Variants in GMDS observed in about 807,000 individuals in gnomAD.
GMDS encodes the protein GDP-mannose 4,6 dehydratase.
A neutral mutation model predicts 49.9 loss-of-function variants in GMDS; 20 were observed. That is an observed-to-expected ratio of 0.40 (90% CI 0.28 to 0.58). GMDS has a LOEUF of 0.58. Ranked by LOEUF, GMDS falls within the 20% of genes least tolerant of loss-of-function variation. The pLI is 0.42. For synonymous variants in GMDS, 177 were observed against 178.6 expected (o/e 0.99, Z 0.07); for missense variants, 362 against 481.4 (o/e 0.75, Z 2.32).
chr6:1,756,928 C>A (rs1767973710), intron 7 of GMDS, among the ~76,000 whole-genome samples: 1 of 152,134 alleles, frequency 6.6e-6, no homozygotes, highest in Non-Finnish European at 1.5e-5. Flanking sequence ...AGCCCAAATT[C>A]AAACAAAGGG....
intron 6 of GMDS, among the ~76,000 whole-genome samples, chr6:1,933,360 G>C (rs1435086224): frequency 6.6e-6 from 1 of 152,114 alleles, no homozygotes; most frequent in Non-Finnish European, 1.5e-5. Flanking sequence ...TTTTGTGAAC[G>C]TATGCTTTAA....
intron 7 of GMDS, among the ~76,000 whole-genome samples, chr6:1,839,153 A>C (rs1025228458): frequency 6.6e-6 from 1 of 151,056 alleles, no homozygotes; most frequent in African/African-American, 2.4e-5. Flanking sequence ...TCAGCTCAGA[A>C]AAAAAAAAAG....
At chr6:2,046,039 G>T (rs1286968189) in intron 4 of GMDS, among the ~76,000 whole-genome samples, 1 of 152,042 alleles carries the variant, frequency 6.6e-6, no homozygotes, top group Non-Finnish European at 1.5e-5. Context: ...AGCAAGACCT[G>T]TCTCTACAAA....
chr6:1,730,251 G>A (rs75793298), intron 8 of GMDS, among the ~76,000 whole-genome samples: 2,723 of 152,214 alleles, frequency 0.018, 67 homozygotes, highest in African/African-American at 0.062. Context: ...TGCTCCTTCC[G>A]CAGACCCCTT....
chr6:1,834,722 C>T (rs562612015), intron 7 of GMDS, among the ~76,000 whole-genome samples: 1 of 152,184 alleles, frequency 6.6e-6, no homozygotes, highest in Non-Finnish European at 1.5e-5. Flanking sequence ...TCCAGAATAA[C>T]TCATTTTTAA....
At chr6:2,028,497 T>G (rs12164011) in intron 4 of GMDS, among the ~76,000 whole-genome samples, 1 of 151,962 alleles carries the variant, frequency 6.6e-6, no homozygotes, top group Non-Finnish European at 1.5e-5. Context: ...TAATTCTGAG[T>G]GGACTAAACA....
chr6:2,122,193 A>G (rs905092994), intron 2 of GMDS, among the ~76,000 whole-genome samples: 2 of 152,230 alleles, frequency 1.3e-5, no homozygotes, highest in African/African-American at 4.8e-5. Context: ...GATTCAATCA[A>G]TCACCTGATC....
intron 1 of GMDS, among the ~76,000 whole-genome samples, chr6:2,233,288 TTC>T (rs983155501): frequency 2.0e-5 from 3 of 152,224 alleles, no homozygotes; most frequent in African/African-American, 7.2e-5. Flanking sequence ...ACTCTCATCC[TTC>T]TGTCTCCACA....
At chr6:1,890,442 T>C (rs1202195709) in intron 7 of GMDS, among the ~76,000 whole-genome samples, 1 of 152,176 alleles carries the variant, frequency 6.6e-6, no homozygotes. Flanking sequence ...TATTCTTGAG[T>C]TGTAAGAGTT....
chr6:2,183,169 T>A (rs1745045190), intron 1 of GMDS, among the ~76,000 whole-genome samples: 1 of 152,252 alleles, frequency 6.6e-6, no homozygotes, highest in Non-Finnish European at 1.5e-5. Flanking sequence ...ACTTTCAGTC[T>A]TATTATTTAA....
intron 9 of GMDS, among the ~76,000 whole-genome samples, chr6:1,662,147 C>T (rs1289061453): frequency 6.6e-6 from 1 of 152,152 alleles, no homozygotes; most frequent in African/African-American, 2.4e-5. Flanking sequence ...TTCTGTGTTC[C>T]AGACCTTTAC....
intron 5 of GMDS, among the ~76,000 whole-genome samples, chr6:1,960,373 C>CTT (rs3839606): frequency 0.19 from 28,352 of 150,424 alleles, 2,838 homozygotes; most frequent in African/African-American, 0.27. Context: ...ACACAATAGT[C>CTT]TTTTTTTTTG....
chr6:1,931,206 T>C (rs1414079082), intron 6 of GMDS, among the ~76,000 whole-genome samples: 1 of 152,228 alleles, frequency 6.6e-6, no homozygotes, highest in Non-Finnish European at 1.5e-5. Flanking sequence ...ATTTATCACA[T>C]ACCAATGACT....
intron 1 of GMDS, among the ~76,000 whole-genome samples, chr6:2,182,029 T>A (rs1778566746): frequency 6.6e-6 from 1 of 152,196 alleles, no homozygotes; most frequent in Non-Finnish European, 1.5e-5. Flanking sequence ...TGGAGAAAAT[T>A]AAAAGTACTA....
intron 1 of GMDS, among the ~76,000 whole-genome samples, chr6:2,242,908 G>A (rs1378132173): frequency 6.6e-6 from 1 of 152,214 alleles, no homozygotes; most frequent in African/African-American, 2.4e-5. Flanking sequence ...CAGACCCCTT[G>A]CATTAACACC....
At chr6:1,767,223 G>A (rs890487120) in intron 7 of GMDS, among the ~76,000 whole-genome samples, 4 of 151,294 alleles carry the variant, frequency 2.6e-5, no homozygotes, top group Admixed American at 6.6e-5. Context: ...TTCATTAAAC[G>A]CATAAAAGAA....
intron 7 of GMDS, among the ~76,000 whole-genome samples, chr6:1,924,018 T>C (rs1404531197): frequency 6.6e-6 from 1 of 152,188 alleles, no homozygotes; most frequent in Admixed American, 6.5e-5. Flanking sequence ...TAGAGGGGGC[T>C]GGAGACCTGA....
chr6:1,794,708 C>T (rs895894235), intron 7 of GMDS, among the ~76,000 whole-genome samples: 2 of 152,220 alleles, frequency 1.3e-5, no homozygotes, highest in African/African-American at 4.8e-5. Flanking sequence ...GAGCTATATA[C>T]ATTTCCTGAC....
intron 7 of GMDS, among the ~76,000 whole-genome samples, chr6:1,750,618 C>A (rs1006343297): frequency 2.6e-5 from 4 of 152,164 alleles, no homozygotes; most frequent in African/African-American, 9.7e-5. Flanking sequence ...GGTGCCTATA[C>A]CACCAGGGCC....
Sources: allele counts gnomAD v4.1 joint callset (sites outside exome capture counted in the v4.1 genomes callset), GRCh38; gene constraint gnomAD v4.1.1; transcripts MANE v1.5; gene names NCBI Gene and HGNC (gene_info 2026-07-23, HGNC 2026-07-21).